SNRK: variants seen among roughly 807,000 people sequenced by gnomAD.
SNRK encodes the protein SNF related kinase.
In SNRK, 3 loss-of-function variants were observed where a neutral mutation model predicts 48.2. The observed-to-expected ratio is 0.06, with a 90% confidence interval of 0.03 to 0.16. The LOEUF (loss-of-function observed/expected upper bound fraction) is 0.16. SNRK is among the 10% of genes least tolerant of loss of function. The pLI is 1.00. For synonymous variants in SNRK, 376 were observed against 366.1 expected, an observed-to-expected ratio of 1.03 and a Z score of -0.31; for missense variants, 627 against 976.0, an observed-to-expected ratio of 0.64 and a Z score of 4.76.
intron 1 of SNRK, among the ~76,000 whole-genome samples, chr3:43,289,289 G>T (rs767207042): frequency 1.5e-4 from 23 of 152,162 alleles, no homozygotes; most frequent in Non-Finnish European, 3.2e-4. Flanking sequence ...AGGGGGTTCA[G>T]GGAGGGTGAG....
rs1253055288 is a variant in SNRK at position 43,347,041 on chromosome 3, T to C, written c.1080-298T>C. 1 of 267,312 alleles carries C rather than the reference T, an allele frequency of 3.7e-6. No individual in the cohort carries two copies. The highest frequency in any genetic ancestry group is 2.2e-5 in the African/African-American group (1 of 45,454). 16.6% of individuals were successfully genotyped at this position (267,312 alleles called of 1,614,324 possible). On this transcript the variant is annotated intron_variant, in intron 6 of 6. Transcript: ENST00000296088. This position sits in a 1 kb window ranked among gnomAD's most constrained non-coding sequence, Gnocchi z 5.4. ...CCTCCATGGGCTTCTAAAAAATGTT[T>C]AGTATAAAGCTTTTGTATAGAAAAG...
intron 1 of SNRK, 94 bp from the exon 2 acceptor site, chr3:43,299,660 T>C (rs1017579344): frequency 1.3e-5 from 2 of 152,678 alleles, no homozygotes; most frequent in Non-Finnish European, 2.9e-5. Context: ...TTTATACATG[T>C]GTCTAGATCC....
chr3:43,322,586 A>G (rs537101745), intron 3 of SNRK, among the ~76,000 whole-genome samples: 2 of 152,240 alleles, frequency 1.3e-5, no homozygotes, highest in Non-Finnish European at 2.9e-5. Context: ...ACTAGCCAGT[A>G]AAAGAAGAAA....
chr3:43,325,906 A>G (rs1219333143), intron 3 of SNRK, among the ~76,000 whole-genome samples: 1 of 152,062 alleles, frequency 6.6e-6, no homozygotes, highest in Non-Finnish European at 1.5e-5. Flanking sequence ...CAGGCATGCT[A>G]TTTTCATTAG....
intron 2 of SNRK, among the ~76,000 whole-genome samples, chr3:43,302,448 A>G (rs1472621850): frequency 6.6e-6 from 1 of 152,038 alleles, no homozygotes; most frequent in Non-Finnish European, 1.5e-5. Flanking sequence ...GGGAAAGTAG[A>G]AGAAAAAAAA....
intron 5 of SNRK, 192 bp from the exon 6 acceptor site, chr3:43,343,152 G>T: frequency 1.7e-6 from 1 of 597,890 alleles, no homozygotes; most frequent in South Asian, 3.4e-5. Flanking sequence ...ACATTTTTAT[G>T]CAGTTGTTTT....
intron 1 of SNRK, among the ~76,000 whole-genome samples, chr3:43,293,231 G>T (rs948642159): frequency 6.6e-6 from 1 of 152,116 alleles, no homozygotes; most frequent in East Asian, 1.9e-4. Flanking sequence ...GCTTCCCAAA[G>T]TGCTGGGGTT....
chr3:43,346,470 C>G (rs918109215), intron 6 of SNRK, among the ~76,000 whole-genome samples: 1 of 152,156 alleles, frequency 6.6e-6, no homozygotes, highest in Non-Finnish European at 1.5e-5. Flanking sequence ...CTTTGGGTAC[C>G]AAGCAGTATT....
At chr3:43,340,585 C>T in intron 5 of SNRK, 86 bp downstream of exon 5, 2 of 1,172,804 alleles carry the variant, frequency 1.7e-6, no homozygotes, top group Non-Finnish European at 2.5e-6. Flanking sequence ...CTTTGGACAC[C>T]TGTGTAATAG....
At chr3:43,341,250 A>G (rs1024725468) in intron 5 of SNRK, among the ~76,000 whole-genome samples, 1 of 151,558 alleles carries the variant, frequency 6.6e-6, no homozygotes, top group African/African-American at 2.4e-5. Context: ...TCCCGGGTTC[A>G]CGCCATTCTC....
At chr3:43,301,474 A>G (rs2090897231) in intron 2 of SNRK, among the ~76,000 whole-genome samples, 1 of 152,148 alleles carries the variant, frequency 6.6e-6, no homozygotes, top group South Asian at 2.1e-4. Flanking sequence ...AAATGAGACC[A>G]GTGCTGACTG....
At chr3:43,307,157 C>G (rs2090943812) in intron 3 of SNRK, among the ~76,000 whole-genome samples, 1 of 152,058 alleles carries the variant, frequency 6.6e-6, no homozygotes, top group Non-Finnish European at 1.5e-5. Flanking sequence ...TGTAATTTAA[C>G]CATTTTTTGC....
intron 3 of SNRK, among the ~76,000 whole-genome samples, chr3:43,323,257 C>T (rs571303610): frequency 6.5e-4 from 99 of 152,250 alleles, no homozygotes; most frequent in African/African-American, 2.3e-3. Context: ...GGGATCTTTG[C>T]AACCTTAGGT....
intron 1 of SNRK, among the ~76,000 whole-genome samples, chr3:43,295,873 G>T (rs2090849143): frequency 6.6e-6 from 1 of 152,064 alleles, no homozygotes. Flanking sequence ...CGAGTAGCTG[G>T]GACTACAGGC....
intron 3 of SNRK, among the ~76,000 whole-genome samples, chr3:43,309,643 G>T (rs1452728384): frequency 6.6e-6 from 1 of 150,934 alleles, no homozygotes; most frequent in Non-Finnish European, 1.5e-5. Context: ...TTGAGATAGG[G>T]ACTCTCTCTG....
At chr3:43,337,619 A>G (rs2091201653) in intron 4 of SNRK, among the ~76,000 whole-genome samples, 1 of 152,040 alleles carries the variant, frequency 6.6e-6, no homozygotes, top group African/African-American at 2.4e-5. Flanking sequence ...ATACTGCTAC[A>G]AAGAACTGCT....
intron 4 of SNRK, among the ~76,000 whole-genome samples, chr3:43,333,609 G>A (rs2125640458): frequency 6.6e-6 from 1 of 152,218 alleles, no homozygotes; most frequent in South Asian, 2.1e-4. Flanking sequence ...AAGCAGGGCA[G>A]TTGTCTGGGG....
At chr3:43,318,715 T>C (rs1335063887) in intron 3 of SNRK, among the ~76,000 whole-genome samples, 1 of 152,080 alleles carries the variant, frequency 6.6e-6, no homozygotes, top group Non-Finnish European at 1.5e-5. Context: ...AAAAGTTGTT[T>C]TAGCGTTTTA....
In SNRK at chr3:43,348,111, A is replaced by G; in HGVS notation, c.1852A>G (p.Asn618Asp). The change falls in exon 7 of 7, where the codon AAT becomes GAT. Residue 618 changes from asparagine (N) to aspartate (D), a missense_variant. Transcript: ENST00000296088. ...PSSGSGGNPTNTSGTTRRCAG... is the reference protein window; with the variant it reads ...PSSGSGGNPTDTSGTTRRCAG... The stretch of plus-strand genomic sequence containing the variant: ...CAGCGGCTCGGGTGGCAACCCCACC[A>G]ATACATCGGGTACCACACGCCGCTG... 6.3e-7 allele frequency: 1 copy of G among 1,588,288 alleles called. No homozygotes were observed. The highest frequency in any genetic ancestry group is 8.6e-7 in the Non-Finnish European group (1 of 1,167,412).
Sources: gnomAD v4.1 joint callset for allele counts (sites outside exome capture counted in the v4.1 genomes callset) on GRCh38, gnomAD v4.1.1 for gene constraint, Gnocchi (gnomAD v3.1) non-coding constraint, MANE v1.5 for transcripts, NCBI Gene and HGNC (gene_info 2026-07-23, HGNC 2026-07-21) for gene names.